The following SLC24A2 variants were observed in gnomAD, a reference collection of about 807,000 sequenced individuals.
SLC24A2 encodes the protein solute carrier family 24 member 2, also known as sodium/potassium/calcium exchanger 2.
Under a neutral mutation model 62.0 loss-of-function variants are expected in SLC24A2, and 36 were observed. The ratio of observed to expected loss-of-function variants is 0.58; its 90% CI spans 0.44 to 0.77. SLC24A2 has a LOEUF of 0.77. SLC24A2 is among the 30% of genes least tolerant of loss of function. The pLI is 0.00. For synonymous variants in SLC24A2, 358 were observed against 294.0 expected (o/e 1.22, Z -2.23); for missense variants, 846 against 817.9 (o/e 1.03, Z -0.42).
chr9:19,647,222 T>C (rs1230294754), intron 2 of SLC24A2, among the ~76,000 whole-genome samples: 1 of 143,514 alleles, frequency 7.0e-6, no homozygotes, highest in Non-Finnish European at 1.6e-5. Context: ...GTCTCAGACA[T>C]CTATGTATCC....
chr9:19,699,752 T>C (rs1820301617), intron 2 of SLC24A2, among the ~76,000 whole-genome samples: 1 of 152,226 alleles, frequency 6.6e-6, no homozygotes, highest in African/African-American at 2.4e-5. Context: ...CTCCTTTGTA[T>C]GTTTTCCAAA....
chr9:19,739,277 CT>C (rs1414111735), intron 2 of SLC24A2, among the ~76,000 whole-genome samples: 1 of 152,210 alleles, frequency 6.6e-6, no homozygotes, highest in African/African-American at 2.4e-5. Flanking sequence ...GTCATTTCTA[CT>C]CATTAAATTA....
At chr9:20,268,229 G>A in the SLC24A2 span, among the ~76,000 whole-genome samples, 3 of 152,198 alleles carry the variant, frequency 2.0e-5, no homozygotes, top group Non-Finnish European at 2.9e-5. Context: ...GGGAGGAGCA[G>A]AGGAGAGGGC....
chr9:19,633,633 C>T (rs1260181447), intron 2 of SLC24A2, among the ~76,000 whole-genome samples: 3 of 152,156 alleles, frequency 2.0e-5, no homozygotes, highest in African/African-American at 7.2e-5. Context: ...CCTCCCAAAT[C>T]GCTGGGGTTA....
chr9:19,794,698 C>T, the SLC24A2 span, among the ~76,000 whole-genome samples: 904 of 152,144 alleles, frequency 5.9e-3, 11 homozygotes, highest in African/African-American at 0.021. Flanking sequence ...ACTATTCCTA[C>T]CGATGCCAGC....
upstream of SLC24A2, among the ~76,000 whole-genome samples, chr9:19,792,916 A>C (rs973714908): frequency 6.6e-6 from 1 of 152,234 alleles, no homozygotes; most frequent in African/African-American, 2.4e-5. Flanking sequence ...CAATGTGCAC[A>C]AAACCAGTAG....
the SLC24A2 span, among the ~76,000 whole-genome samples, chr9:19,868,254 C>A: frequency 1.3e-5 from 2 of 151,762 alleles, no homozygotes; most frequent in South Asian, 4.2e-4. Context: ...GTGATTTATT[C>A]TTTGATCTAT....
chr9:20,285,464 A>C, the SLC24A2 span, among the ~76,000 whole-genome samples: 1 of 152,128 alleles, frequency 6.6e-6, no homozygotes, highest in Admixed American at 6.5e-5. Flanking sequence ...TGAGTCTGAA[A>C]GCAGGAAAAA....
At chr9:19,977,127 G>GTA in the SLC24A2 span, among the ~76,000 whole-genome samples, 681 of 151,666 alleles carry the variant, frequency 4.5e-3, 5 homozygotes, top group Middle Eastern at 0.017. Flanking sequence ...GTGTGTGTGT[G>GTA]TGTGTGTGTG....
At chr9:20,013,499 T>C in the SLC24A2 span, among the ~76,000 whole-genome samples, 2 of 152,326 alleles carry the variant, frequency 1.3e-5, no homozygotes, top group Admixed American at 1.3e-4. Flanking sequence ...GACATTGGTC[T>C]GGGCAATGAT....
chr9:19,893,011 C>T, the SLC24A2 span, among the ~76,000 whole-genome samples: 1 of 152,232 alleles, frequency 6.6e-6, no homozygotes, highest in Admixed American at 6.5e-5. Flanking sequence ...CATGTAGCCC[C>T]TATCTAGAGA....
chr9:19,548,795 C>T (rs750131757), intron 8 of SLC24A2, among the ~76,000 whole-genome samples: 2 of 152,234 alleles, frequency 1.3e-5, no homozygotes, highest in East Asian at 1.9e-4. Flanking sequence ...TGGGACTTCT[C>T]TCATTGCTCC....
At chr9:19,579,414 T>G (rs1420158201) in intron 5 of SLC24A2, among the ~76,000 whole-genome samples, 1 of 152,204 alleles carries the variant, frequency 6.6e-6, no homozygotes, top group Non-Finnish European at 1.5e-5. Context: ...AAAGAGGAGT[T>G]ACTTTTTGCA....
At chr9:19,670,822 G>A (rs369475155) in intron 2 of SLC24A2, among the ~76,000 whole-genome samples, 3 of 152,100 alleles carry the variant, frequency 2.0e-5, no homozygotes, top group African/African-American at 7.2e-5. Context: ...GGTAGAGGAA[G>A]GCCTGCTTTA....
chr9:19,921,527 A>AAT, the SLC24A2 span, among the ~76,000 whole-genome samples: 1 of 151,546 alleles, frequency 6.6e-6, no homozygotes, highest in Admixed American at 6.6e-5. Flanking sequence ...GTAAAAAAAA[A>AAT]AAAAAAAAAA....
the SLC24A2 span, among the ~76,000 whole-genome samples, chr9:19,813,470 A>G: frequency 6.6e-6 from 1 of 151,350 alleles, no homozygotes; most frequent in South Asian, 2.1e-4. Flanking sequence ...GGCGCACACC[A>G]CCATGTCTGG....
the SLC24A2 span, among the ~76,000 whole-genome samples, chr9:19,922,621 A>C: frequency 2.6e-5 from 4 of 152,212 alleles, no homozygotes; most frequent in Non-Finnish European, 5.9e-5. Context: ...TGCCTGCTTC[A>C]CAGGAGGGAT....
the SLC24A2 span, among the ~76,000 whole-genome samples, chr9:20,117,574 G>A: frequency 6.6e-6 from 1 of 152,044 alleles, no homozygotes; most frequent in African/African-American, 2.4e-5. Context: ...GTAGACAATA[G>A]GCAGTATGCT....
chr9:19,667,734 C>T (rs1039165684), intron 2 of SLC24A2, among the ~76,000 whole-genome samples: 1 of 152,178 alleles, frequency 6.6e-6, no homozygotes, highest in Non-Finnish European at 1.5e-5. Flanking sequence ...CCTGTGAAGC[C>T]TTATATTTAA....
Sources: gnomAD v4.1 joint callset for allele counts (sites outside exome capture counted in the v4.1 genomes callset) on GRCh38, gnomAD v4.1.1 for gene constraint, MANE v1.5 for transcripts, NCBI Gene and HGNC (gene_info 2026-07-23, HGNC 2026-07-21) for gene names.